ACTN1: variants seen among roughly 807,000 people sequenced by gnomAD.
The protein encoded by ACTN1 is alpha-actinin-1.
In ACTN1, 30 loss-of-function variants were observed where a neutral mutation model predicts 119.6. The ratio of observed to expected loss-of-function variants is 0.25; its 90% CI spans 0.19 to 0.34. The LOEUF is 0.34. Among genes scored for constraint, ACTN1 ranks in the 10% least tolerant of loss-of-function variants. ACTN1 has a pLI of 1.00. For missense variants in ACTN1, 764 were observed against 1,223.4 expected (o/e 0.62, Z 5.60); for synonymous variants, 429 against 472.6 (o/e 0.91, Z 1.20).
At position 68,880,096 on chromosome 14, in the gene ACTN1, C is replaced by A. The variant is rs762065078; in HGVS notation, c.2146G>T (p.Gly716Cys). The change falls in exon 18 of 22, where the codon GGC becomes TGC. Residue 716 changes from glycine to cysteine, a missense_variant. Around this residue, in one of 4 missense-constraint regions of ACTN1, gnomAD observed 544 missense variants for 912.0 expected, o/e 0.60. Transcript: ENST00000394419. The surrounding 1 kb of genome is among the most constrained non-coding windows in gnomAD (Gnocchi z 4.6). ...ATGGTGGTGAGCAGCTGCTCCCAGC[C>A]CACACGGATGTGCTGCAGGACGGCA... The part of the protein sequence containing the change: ...TNYTMEHIRV[G>C]WEQLLTTIAR... 1 of 1,613,916 alleles carries A rather than the reference C, an allele frequency of 6.2e-7. No homozygotes were observed. Among genetic ancestry groups the A allele is most frequent in the African/African-American group, 1.3e-5 (1 of 74,950 alleles).
chr14:68,877,035 G>C (rs200585276), intron 21 of ACTN1, 47 bp downstream of exon 21: 1 of 1,606,004 alleles, frequency 6.2e-7, no homozygotes, highest in African/African-American at 1.3e-5. Flanking sequence ...TCACAGTCCA[G>C]CCAGTGCCTG....
chr14:68,975,757 C>G (rs906471240), intron 1 of ACTN1, among the ~76,000 whole-genome samples: 1 of 152,216 alleles, frequency 6.6e-6, no homozygotes, highest in Non-Finnish European at 1.5e-5. Context: ...TGGAAGATAA[C>G]TGCATTTTGT....
At chr14:68,953,546 G>A (rs2036240599) in intron 1 of ACTN1, among the ~76,000 whole-genome samples, 1 of 152,132 alleles carries the variant, frequency 6.6e-6, no homozygotes, top group Admixed American at 6.6e-5. Context: ...GCTCAAAGTG[G>A]GTCATTCAAT....
intron 2 of ACTN1, among the ~76,000 whole-genome samples, chr14:68,923,857 C>G (rs907839594): frequency 2.5e-4 from 38 of 152,050 alleles, no homozygotes; most frequent in Admixed American, 1.3e-4. Context: ...CCCAAGTGAC[C>G]ACCGACAGGT....
At chr14:68,971,931 T>C (rs114581589) in intron 1 of ACTN1, among the ~76,000 whole-genome samples, 223 of 152,312 alleles carry the variant, frequency 1.5e-3, no homozygotes, top group African/African-American at 5.2e-3. Flanking sequence ...CCACGATTGC[T>C]AGGCAACCTC....
chr14:68,957,443 C>T (rs1205244830), intron 1 of ACTN1, among the ~76,000 whole-genome samples: 2 of 152,216 alleles, frequency 1.3e-5, no homozygotes, highest in African/African-American at 4.8e-5. Context: ...ATCAGGTGTG[C>T]CACTGCTGTG....
At chr14:68,875,089 C>A (rs1175772774) in intron 21 of ACTN1, 72 bp from the exon 22 acceptor site, 3 of 1,592,862 alleles carry the variant, frequency 1.9e-6, no homozygotes, top group Non-Finnish European at 2.6e-6. Context: ...GACACAGCCG[C>A]AAAGCCTGGC....
chr14:68,934,475 A>G (rs990514596), intron 1 of ACTN1, among the ~76,000 whole-genome samples: 1 of 152,214 alleles, frequency 6.6e-6, no homozygotes, highest in Non-Finnish European at 1.5e-5. Flanking sequence ...GATCATTTCC[A>G]CTGCTGGTGG....
chr14:68,915,080 G>A (rs1376794116), intron 3 of ACTN1, among the ~76,000 whole-genome samples: 1 of 152,122 alleles, frequency 6.6e-6, no homozygotes, highest in Non-Finnish European at 1.5e-5. Context: ...CCCGTACTTA[G>A]AAACCTCGCA....
intron 1 of ACTN1, among the ~76,000 whole-genome samples, chr14:68,963,330 C>A (rs2036600462): frequency 6.6e-6 from 1 of 152,198 alleles, no homozygotes; most frequent in South Asian, 2.1e-4. Context: ...TCCTTAGAGA[C>A]AGAGACCATG....
At chr14:68,929,711 A>G (rs2035128960) in intron 1 of ACTN1, among the ~76,000 whole-genome samples, 1 of 152,180 alleles carries the variant, frequency 6.6e-6, no homozygotes, top group African/African-American at 2.4e-5. Flanking sequence ...TTCCCCTCTC[A>G]GCAGCCCTGT....
At chr14:68,959,714 G>A (rs935348475) in intron 1 of ACTN1, among the ~76,000 whole-genome samples, 1 of 152,160 alleles carries the variant, frequency 6.6e-6, no homozygotes, top group Non-Finnish European at 1.5e-5. Flanking sequence ...GAGCCAGGGG[G>A]GTTGAACGAA....
At chr14:68,888,955 A>G (rs1049910707) in intron 11 of ACTN1, among the ~76,000 whole-genome samples, 7 of 152,090 alleles carry the variant, frequency 4.6e-5, no homozygotes, top group East Asian at 1.9e-4. Flanking sequence ...GCCACTCCCA[A>G]ATGGCCTTGG....
At chr14:68,889,959 AC>A (rs1247448725) in intron 11 of ACTN1, among the ~76,000 whole-genome samples, 179 bp downstream of exon 11, 3 of 152,206 alleles carry the variant, frequency 2.0e-5, no homozygotes, top group African/African-American at 4.8e-5. Flanking sequence ...TATTATTCCC[AC>A]TTTACAGATG....
intron 2 of ACTN1, among the ~76,000 whole-genome samples, chr14:68,923,475 G>T (rs1258540367): frequency 6.6e-6 from 1 of 151,974 alleles, no homozygotes; most frequent in Non-Finnish European, 1.5e-5. Context: ...TTTAAAACTG[G>T]GGAAGGGTAG....
rs995208413 is a variant in ACTN1, at chr14:68,887,979, G to A, written c.1234+2160C>T. 1.8e-5 allele frequency: 14 copies of A among 774,410 alleles called. No homozygotes were observed. The African/African-American group carries it at 2.4e-4, about 13-fold the overall frequency. 48.0% of individuals were successfully genotyped at this position (774,410 alleles called of 1,614,324 possible). On this transcript the variant is annotated intron_variant, in intron 11 of 21. Coordinates refer to ENST00000394419, the MANE Select transcript of ACTN1 (RefSeq NM_001130004.2). ...TTATCCTTCACTGCTGCGTTTTTCG[G>A]CTTCGCTTCCACTTTTGCAGGAGGT...
intron 4 of ACTN1, among the ~76,000 whole-genome samples, chr14:68,911,704 C>T (rs2144920): frequency 0.18 from 27,058 of 152,122 alleles, 3,251 homozygotes; most frequent in East Asian, 0.63. Context: ...AAAAACTGCC[C>T]GAGTGTGGAA....
rs772043016 is a variant in ACTN1 at position 68,892,259 on chromosome 14, T to C, written c.880A>G (p.Ile294Val). 4 of 1,613,724 alleles carry C rather than the reference T, an allele frequency of 2.5e-6. No homozygotes were observed. Among genetic ancestry groups the C allele is most frequent in the Non-Finnish European group, 1.7e-6 (2 of 1,179,760 alleles). The change falls in exon 10 of 22, where the codon ATC becomes GTC. Residue 294 changes from isoleucine (I) to valine (V), a missense_variant. Transcript: ENST00000394419. ...SDLLEWIRRT[I>V]PWLENRVPEN... ...GGCACCCGGTTCTCCAGCCACGGGA[T>C]TGTGCGGCGGATCCACTCCAACAGC...
In ACTN1 at chr14:68,882,644, T is replaced by G; in HGVS notation, c.1819-52A>C. The stretch of plus-strand genomic sequence containing the variant: ...TCAGGATGGGTCAGCCATCTGTCCA[T>G]GTGCCAGATGAGGAAATGGAGGACC... On this transcript the variant is annotated intron_variant, in intron 15 of 21. Coordinates refer to ENST00000394419, the MANE Select transcript of ACTN1 (RefSeq NM_001130004.2). This position sits in a 1 kb window ranked among gnomAD's most constrained non-coding sequence, Gnocchi z 4.5. 6.2e-7 allele frequency: 1 copy of G among 1,606,798 alleles called. No homozygotes were observed. The highest frequency in any genetic ancestry group is 1.7e-5 in the Admixed American group (1 of 59,844).
Sources: gnomAD v4.1 joint callset for allele counts (sites outside exome capture counted in the v4.1 genomes callset) on GRCh38, gnomAD v4.1.1 for gene constraint, gnomAD v4.1.1 regional missense constraint, Gnocchi (gnomAD v3.1) non-coding constraint, MANE v1.5 for transcripts, NCBI Gene and HGNC (gene_info 2026-07-23, HGNC 2026-07-21) for gene names.